Variants in DISC1 observed in about 807,000 individuals in gnomAD.
DISC1 encodes DISC1 scaffold protein, also known as disrupted in schizophrenia 1 protein.
In DISC1, 57 loss-of-function variants were observed where a neutral mutation model predicts 84.5. The observed-to-expected ratio is 0.67, with a 90% CI of 0.55 to 0.84. DISC1 has a LOEUF of 0.84. Among genes scored for constraint, DISC1 ranks in the 40% least tolerant of loss-of-function variants. DISC1 has a pLI of 0.00. For synonymous variants in DISC1, 411 were observed against 415.2 expected, an observed-to-expected ratio of 0.99 and a Z score of 0.12; for missense variants, 1,000 against 1,057.8, an observed-to-expected ratio of 0.95 and a Z score of 0.76.
At chr1:231,918,228 A>C (rs2089770222) in intron 9 of DISC1, among the ~76,000 whole-genome samples, 1 of 152,208 alleles carries the variant, frequency 6.6e-6, no homozygotes. Flanking sequence ...GCCAGCAAGC[A>C]GTGTTTCTCT....
chr1:231,902,833 T>G (rs560875219), intron 9 of DISC1, among the ~76,000 whole-genome samples: 1 of 152,172 alleles, frequency 6.6e-6, no homozygotes, highest in African/African-American at 2.4e-5. Flanking sequence ...CTGAAACTTT[T>G]TGAACACCAA....
intron 3 of DISC1, among the ~76,000 whole-genome samples, chr1:231,738,891 C>G (rs186513350): frequency 6.6e-6 from 1 of 152,298 alleles, no homozygotes; most frequent in African/African-American, 2.4e-5. Context: ...CTCTTGTGTT[C>G]TATTGACATG....
At chr1:231,946,821 C>CA (rs1439927556) in intron 9 of DISC1, among the ~76,000 whole-genome samples, 1 of 152,170 alleles carries the variant, frequency 6.6e-6, no homozygotes, top group Non-Finnish European at 1.5e-5. Flanking sequence ...AACAGACAAA[C>CA]AGAGACCCAA....
intron 7 of DISC1, among the ~76,000 whole-genome samples, chr1:231,797,936 G>A (rs1009318282): frequency 3.3e-5 from 5 of 151,850 alleles, no homozygotes; most frequent in African/African-American, 1.2e-4. Flanking sequence ...GCACAGACAC[G>A]AATGTGTGTG....
chr1:231,670,111 A>G (rs2062451914), intron 1 of DISC1, among the ~76,000 whole-genome samples: 1 of 152,224 alleles, frequency 6.6e-6, no homozygotes, highest in African/African-American at 2.4e-5. Flanking sequence ...ACACAGAAAC[A>G]GAAAACCAAA....
At chr1:231,741,964 C>T (rs541916225) in intron 3 of DISC1, among the ~76,000 whole-genome samples, 1 of 152,146 alleles carries the variant, frequency 6.6e-6, no homozygotes, top group Non-Finnish European at 1.5e-5. Flanking sequence ...ACAATGTGTT[C>T]CCAACAGAGC....
intron 10 of DISC1, among the ~76,000 whole-genome samples, chr1:231,994,251 A>G (rs756841687): frequency 3.3e-5 from 5 of 152,174 alleles, no homozygotes; most frequent in Non-Finnish European, 5.9e-5. Context: ...GTCAGCTGGG[A>G]TCCCAGAGGG....
chr1:231,993,119 C>T (rs1450065600), intron 10 of DISC1, among the ~76,000 whole-genome samples: 1 of 151,944 alleles, frequency 6.6e-6, no homozygotes, highest in Non-Finnish European at 1.5e-5. Flanking sequence ...TTGAGATGGG[C>T]CTTGATGAAA....
chr1:231,875,511 TTCACTTCCCTGGCCTTGACC>T lies in DISC1; in HGVS notation c.1981+57020_1981+57039del, dbSNP rs1179564158. On this transcript the variant is annotated intron_variant, in intron 9 of 12. Coordinates refer to ENST00000439617, the MANE Select transcript of DISC1 (RefSeq NM_018662.3). ...GACCACCCCTTGGGTACTTGGGCAA[TTCACTTCCCTGGCCTTGACC>T]TCACTTCCCTGGCCTTGACCTCACT... is the stretch of plus-strand genomic sequence containing the variant. Among the ~76,000 whole-genome samples, 4 of 152,166 alleles carry T rather than the reference TTCACTTCCCTGGCCTTGACC, an allele frequency of 2.6e-5. No homozygotes were observed. In the South Asian group the frequency reaches 6.2e-4, roughly 24 times the overall value.
At chr1:232,005,695 T>C (rs1667334112) in intron 10 of DISC1, among the ~76,000 whole-genome samples, 1 of 140,274 alleles carries the variant, frequency 7.1e-6, no homozygotes, top group Non-Finnish European at 1.5e-5. Context: ...TGAGAGAATG[T>C]TAATTAATAT....
intron 9 of DISC1, among the ~76,000 whole-genome samples, chr1:231,850,090 T>G (rs949814360): frequency 6.6e-6 from 1 of 152,048 alleles, no homozygotes; most frequent in Admixed American, 6.6e-5. Flanking sequence ...TGTGAAAGAG[T>G]AAATGCCTGT....
Position 231,767,072 on chromosome 1 carries a change from A to G in DISC1, c.1269-68A>G. Reference sequence around the variant, plus strand: ...CCACTTGCTGGAGTTTCTTACTCTTAAAATACTTGTCAACATGAGGATTTC... The same window carrying G: ...CCACTTGCTGGAGTTTCTTACTCTTGAAATACTTGTCAACATGAGGATTTC... On this transcript the variant is annotated intron_variant, in intron 4 of 12. Transcript: ENST00000439617. 6.9e-6 allele frequency: 11 copies of G among 1,598,216 alleles called. No homozygotes were observed. The South Asian group carries it at 1.2e-4, about 18-fold the overall frequency.
At chr1:231,669,682 A>T (rs139992416) in intron 1 of DISC1, among the ~76,000 whole-genome samples, 30 of 152,240 alleles carry the variant, frequency 2.0e-4, no homozygotes, top group Non-Finnish European at 3.4e-4. Context: ...GATACCATCT[A>T]ACACCAGTCA....
chr1:231,953,827 C>T (rs555082916), intron 9 of DISC1, among the ~76,000 whole-genome samples: 22 of 152,258 alleles, frequency 1.4e-4, no homozygotes, highest in Admixed American at 5.2e-4. Flanking sequence ...GAGATCGTAT[C>T]GTACTGATCC....
intron 5 of DISC1, 57 bp downstream of exon 5, chr1:231,767,326 A>G (rs2076240619): frequency 1.2e-6 from 2 of 1,604,160 alleles, no homozygotes; most frequent in Non-Finnish European, 1.7e-6. Context: ...TCTTTGAGAC[A>G]GGGTCTTGCT....
At chr1:232,002,224 A>C (rs1008704354) in intron 10 of DISC1, among the ~76,000 whole-genome samples, 1 of 152,100 alleles carries the variant, frequency 6.6e-6, no homozygotes, top group Non-Finnish European at 1.5e-5. Flanking sequence ...AAATTATAAC[A>C]CCAAATATTG....
chr1:231,788,051 G>A (rs11122336), intron 6 of DISC1, among the ~76,000 whole-genome samples: 22,752 of 152,216 alleles, frequency 0.15, 2,038 homozygotes, highest in African/African-American at 0.23. Flanking sequence ...GGAAGGCTGA[G>A]GTGGGTGGAT....
chr1:231,928,560 G>A (rs1006420008), intron 9 of DISC1, among the ~76,000 whole-genome samples: 2 of 152,188 alleles, frequency 1.3e-5, no homozygotes, highest in Admixed American at 6.5e-5. Flanking sequence ...ATCTCCTTCA[G>A]TTCTGCTCTG....
chr1:232,013,722 C>T (rs865888665), intron 11 of DISC1, among the ~76,000 whole-genome samples: 1 of 152,158 alleles, frequency 6.6e-6, no homozygotes, highest in Non-Finnish European at 1.5e-5. Context: ...CCTGTCTGTT[C>T]AGATTCTTCT....
Sources: allele counts gnomAD v4.1 joint callset (sites outside exome capture counted in the v4.1 genomes callset), GRCh38; gene constraint gnomAD v4.1.1; transcripts MANE v1.5; gene names NCBI Gene and HGNC (gene_info 2026-07-23, HGNC 2026-07-21).